Variants in ADAMTS18 observed in about 807,000 individuals in gnomAD.
The protein encoded by ADAMTS18 is A disintegrin and metalloproteinase with thrombospondin motifs 18.
A neutral mutation model predicts 165.9 loss-of-function variants in ADAMTS18; 157 were observed. The observed-to-expected ratio is 0.95, with a 90% confidence interval of 0.83 to 1.08. The LOEUF (loss-of-function observed/expected upper bound fraction) is 1.08. Among genes scored for constraint, ADAMTS18 ranks in the 50% least tolerant of loss-of-function variants. The probability of loss-of-function intolerance (pLI) is 0.00; values close to 1 mark genes in which losing one functional copy is unlikely to be tolerated. For synonymous variants in ADAMTS18, 782 were observed against 578.2 expected, an observed-to-expected ratio of 1.35 and a Z score of -5.06; for missense variants, 2,040 against 1,534.0, an observed-to-expected ratio of 1.33 and a Z score of -5.51.
chr16:77,429,568 G>C (rs1324561749), intron 3 of ADAMTS18, among the ~76,000 whole-genome samples: 5 of 152,012 alleles, frequency 3.3e-5, no homozygotes, highest in African/African-American at 4.8e-5. Flanking sequence ...ACCTTCACTT[G>C]TACCCCTGAA....
intron 8 of ADAMTS18, among the ~76,000 whole-genome samples, chr16:77,357,094 C>G (rs2056642863): frequency 7.3e-6 from 1 of 137,002 alleles, no homozygotes; most frequent in Non-Finnish European, 1.6e-5. Context: ...AAGAATAAAA[C>G]TTGTGTCTTA....
intron 22 of ADAMTS18, among the ~76,000 whole-genome samples, chr16:77,285,981 C>G (rs1048334767): frequency 3.9e-5 from 6 of 152,100 alleles, no homozygotes; most frequent in African/African-American, 7.3e-5. Flanking sequence ...TATTGCTCTT[C>G]TCTTCTGCTC....
intron 3 of ADAMTS18, among the ~76,000 whole-genome samples, chr16:77,372,422 T>A (rs1465411952): frequency 6.6e-6 from 1 of 152,162 alleles, no homozygotes; most frequent in East Asian, 1.9e-4. Flanking sequence ...TGGAATACTA[T>A]CCAGCCATTA....
At chr16:77,349,294 C>T (rs895031075) in intron 10 of ADAMTS18, among the ~76,000 whole-genome samples, 8 of 152,014 alleles carry the variant, frequency 5.3e-5, no homozygotes, top group Admixed American at 6.5e-5. Flanking sequence ...AGATGAAAAA[C>T]TACACACCTC....
chr16:77,367,391 C>A (rs929840622), intron 4 of ADAMTS18, 50 bp downstream of exon 4: 9 of 1,611,532 alleles, frequency 5.6e-6, no homozygotes, highest in Non-Finnish European at 7.6e-6. Flanking sequence ...CTCAGGAAAA[C>A]CTGTCGAGGC....
At chr16:77,344,708 G>A (rs932202114) in intron 10 of ADAMTS18, among the ~76,000 whole-genome samples, 15 of 151,244 alleles carry the variant, frequency 9.9e-5, no homozygotes, top group Non-Finnish European at 1.8e-4. Context: ...CCAAGAGAAG[G>A]GGCAGCTGGA....
intron 22 of ADAMTS18, among the ~76,000 whole-genome samples, chr16:77,285,775 G>A (rs899692482): frequency 2.6e-5 from 4 of 152,008 alleles, no homozygotes; most frequent in Non-Finnish European, 4.4e-5. Flanking sequence ...TTTGCTTCAC[G>A]TTCTCCATGC....
intron 10 of ADAMTS18, among the ~76,000 whole-genome samples, chr16:77,344,155 G>GTATATA (rs150411045): frequency 0.019 from 2,673 of 140,212 alleles, 34 homozygotes; most frequent in Middle Eastern, 0.038. Flanking sequence ...ATGTGTGTGT[G>GTATATA]TATATATATA....
chr16:77,409,692 C>A (rs2057436571), intron 3 of ADAMTS18, among the ~76,000 whole-genome samples: 1 of 152,062 alleles, frequency 6.6e-6, no homozygotes, highest in African/African-American at 2.4e-5. Context: ...ATCAAACAAG[C>A]CTTGTCTTGA....
chr16:77,424,360 C>G (rs142940297), intron 3 of ADAMTS18, among the ~76,000 whole-genome samples: 2,412 of 151,938 alleles, frequency 0.016, 63 homozygotes, highest in African/African-American at 0.055. Flanking sequence ...CCTAGCTACT[C>G]AGGAAGCTGA....
At chr16:77,339,585 T>C (rs952272280) in intron 11 of ADAMTS18, among the ~76,000 whole-genome samples, 2 of 140,630 alleles carry the variant, frequency 1.4e-5, no homozygotes, top group African/African-American at 5.4e-5. Flanking sequence ...GGTAACGATG[T>C]TGCTTTTTCA....
In ADAMTS18 at chr16:77,424,232, G is replaced by A. The variant is rs140027571; in HGVS notation, c.495+7063C>T. Among the ~76,000 whole-genome samples the A allele has an allele frequency of 1.6e-3, 248 of 152,308 alleles. 2 individuals carry two copies. The highest frequency in any genetic ancestry group is 5.3e-3 in the African/African-American group (221 of 41,570). ...GCCTGTAATCCCAGCACTTTGGGAG[G>A]CCAAGGCAGTCAGATCACCTAAGGT... is the stretch of plus-strand genomic sequence containing the variant. On this transcript the variant is annotated intron_variant, in intron 3 of 22. Transcript: ENST00000282849.
chr16:77,389,043 T>C (rs757513159), intron 3 of ADAMTS18, among the ~76,000 whole-genome samples: 3 of 152,188 alleles, frequency 2.0e-5, no homozygotes, highest in Non-Finnish European at 4.4e-5. Flanking sequence ...CTCACACGTG[T>C]AGTCCCAGTA....
At chr16:77,350,843 G>T (rs1170931826) in intron 10 of ADAMTS18, among the ~76,000 whole-genome samples, 3 of 152,066 alleles carry the variant, frequency 2.0e-5, no homozygotes, top group East Asian at 1.9e-4. Context: ...GGTCTGAGAG[G>T]ACACTTTGAT....
intron 16 of ADAMTS18, among the ~76,000 whole-genome samples, chr16:77,311,025 T>C (rs750694419): frequency 6.6e-6 from 1 of 152,120 alleles, no homozygotes; most frequent in Non-Finnish European, 1.5e-5. Context: ...ATTACCTACA[T>C]TGATACACAT....
At chr16:77,362,913 CAA>C (rs1436131976) in intron 6 of ADAMTS18, among the ~76,000 whole-genome samples, 1 of 152,300 alleles carries the variant, frequency 6.6e-6, no homozygotes, top group Non-Finnish European at 1.5e-5. Flanking sequence ...AGGCTAAAGA[CAA>C]AAGTGTCTCC....
chr16:77,376,075 G>C (rs1342985865), intron 3 of ADAMTS18, among the ~76,000 whole-genome samples: 1 of 151,580 alleles, frequency 6.6e-6, no homozygotes. Flanking sequence ...GGCTAATTTT[G>C]TATTTTTAGT....
Position 77,367,518 on chromosome 16 carries a change from T to C in ADAMTS18, c.701A>G (p.His234Arg), listed in dbSNP as rs1246013068. 5.0e-6 allele frequency: 8 copies of C among 1,614,096 alleles called. No homozygotes were observed. In the Admixed American group the frequency reaches 8.3e-5, roughly 17 times the overall value. ...YPGYSPSHIP[H>R]ASQSRETEYH... Reference sequence around the variant, plus strand: ...CTCTGTCTCTCGACTCTGAGATGCATGGGGAATGTGACTTGGGGAGTAACC... The same window carrying C: ...CTCTGTCTCTCGACTCTGAGATGCACGGGGAATGTGACTTGGGGAGTAACC... Residue 234 changes from histidine (H) to arginine (R), a missense_variant, in exon 4 of 23, where the codon CAT (histidine) becomes CGT (arginine). By Grantham distance (29) the His-to-Arg change is conservative (BLOSUM62 0). Coordinates refer to ENST00000282849, the MANE Select transcript of ADAMTS18 (RefSeq NM_199355.4).
chr16:77,292,167 T>G (rs1033239607), intron 20 of ADAMTS18, among the ~76,000 whole-genome samples: 5 of 152,018 alleles, frequency 3.3e-5, no homozygotes, highest in African/African-American at 1.2e-4. Context: ...TCTATAAAAA[T>G]TAGCCAGGTA....
Sources: allele counts gnomAD v4.1 joint callset (sites outside exome capture counted in the v4.1 genomes callset), GRCh38; gene constraint gnomAD v4.1.1; transcripts MANE v1.5; gene names NCBI Gene and HGNC (gene_info 2026-07-23, HGNC 2026-07-21).